UBE3D: variants seen among roughly 807,000 people sequenced by gnomAD.
The protein encoded by UBE3D is E3 ubiquitin-protein ligase E3D.
Under a neutral mutation model 49.6 loss-of-function variants are expected in UBE3D, and 48 were observed. The observed-to-expected ratio is 0.97, with a 90% confidence interval of 0.77 to 1.23. The LOEUF is 1.23. Ranked by LOEUF, UBE3D falls within the 50% of genes most tolerant of loss-of-function variation. UBE3D has a pLI of 0.00. For synonymous variants in UBE3D, 189 were observed against 174.2 expected (o/e 1.08, Z -0.67); for missense variants, 452 against 468.4 (o/e 0.96, Z 0.32).
intron 9 of UBE3D, among the ~76,000 whole-genome samples, chr6:82,937,827 C>G (rs1467533311): frequency 1.3e-5 from 2 of 152,126 alleles, no homozygotes; most frequent in Non-Finnish European, 2.9e-5. Context: ...AGGGTTCTTC[C>G]TTTACTAGCC....
chr6:82,967,576 C>A (rs1434624541), intron 8 of UBE3D, among the ~76,000 whole-genome samples: 1 of 152,070 alleles, frequency 6.6e-6, no homozygotes, highest in Non-Finnish European at 1.5e-5. Context: ...AATATGTAGT[C>A]TTTTTTTATA....
intron 2 of UBE3D, 101 bp from the exon 3 acceptor site, chr6:83,054,339 G>T: frequency 1.2e-6 from 1 of 841,222 alleles, no homozygotes; most frequent in Non-Finnish European, 2.0e-6. Context: ...TCCATAAACA[G>T]TTTATGATCC....
chr6:82,917,296 A>C (rs1772989076), intron 9 of UBE3D, among the ~76,000 whole-genome samples: 1 of 152,190 alleles, frequency 6.6e-6, no homozygotes, highest in Non-Finnish European at 1.5e-5. Context: ...AGACATGAAC[A>C]GGAGGGGGAA....
chr6:82,942,892 G>C (rs926826534), intron 9 of UBE3D, among the ~76,000 whole-genome samples: 7 of 152,216 alleles, frequency 4.6e-5, no homozygotes, highest in African/African-American at 1.7e-4. Context: ...GGAGCTGTGA[G>C]AAGAGGGCCA....
chr6:83,013,351 C>T (rs967591591), intron 8 of UBE3D, among the ~76,000 whole-genome samples: 9 of 152,150 alleles, frequency 5.9e-5, no homozygotes, highest in African/African-American at 1.9e-4. Flanking sequence ...CTGATGCCTC[C>T]GCTAACAGCA....
intron 9 of UBE3D, chr6:82,924,925 C>G (rs1207409410): frequency 6.6e-6 from 1 of 152,166 alleles, no homozygotes; most frequent in Admixed American, 6.6e-5. Flanking sequence ...TTCATCATAT[C>G]TGCTGGGCCT....
intron 9 of UBE3D, among the ~76,000 whole-genome samples, chr6:82,941,595 G>A (rs115286454): frequency 5.3e-4 from 81 of 152,226 alleles, no homozygotes; most frequent in African/African-American, 1.8e-3. Context: ...CAGTAATACA[G>A]TTTGGCTCTG....
chr6:82,970,042 CTCATAG>C (rs1211148598), intron 8 of UBE3D, among the ~76,000 whole-genome samples: 2 of 148,856 alleles, frequency 1.3e-5, no homozygotes, highest in Non-Finnish European at 3.0e-5. Context: ...ATGGTGTTTA[CTCATAG>C]TCATATAATA....
rs1026887304 is a variant in UBE3D, at chr6:83,065,664, G to A, written c.55C>T (p.Gln19Ter). ...RVFLEVRGQLQSALLILGEPK... is the reference protein window; with the variant it reads ...RVFLEVRGQL ...TACCCCAGGATCAGAAGCGCGCTCT[G>A]CAGCTGTCCCCGCACCTCCAGAAAC... Residue 19 changes from glutamine (Q) to a stop codon, truncating the protein, a stop_gained, in exon 1 of 10, where the codon CAG (glutamine) becomes TAG (stop). Coordinates refer to ENST00000369747, the MANE Select transcript of UBE3D (RefSeq NM_198920.3). LOFTEE classifies it high-confidence loss of function. The A allele has an allele frequency of 6.2e-7, 1 of 1,613,890 alleles. No homozygotes were observed. The highest frequency in any genetic ancestry group is 8.5e-7 in the Non-Finnish European group (1 of 1,179,880).
intron 9 of UBE3D, among the ~76,000 whole-genome samples, chr6:82,899,275 C>T (rs1771558385): frequency 6.6e-6 from 1 of 152,138 alleles, no homozygotes; most frequent in African/African-American, 2.4e-5. Context: ...GATCCTGTCC[C>T]TCCAAATTGG....
rs1773417156 is a variant in UBE3D, at chr6:82,922,445, G to A, written c.1150-29403C>T. Among the ~76,000 whole-genome samples, 3 of 152,046 alleles carry A rather than the reference G, an allele frequency of 2.0e-5. No homozygotes were observed. The South Asian group carries it at 6.2e-4, about 32-fold the overall frequency. Reference sequence around the variant, plus strand: ...AAAAACCCACAGACAGTGTAAAAGAGGAAACTCAGAAACCTGACACATACA... The same window carrying A: ...AAAAACCCACAGACAGTGTAAAAGAAGAAACTCAGAAACCTGACACATACA... On this transcript the variant is annotated intron_variant, in intron 9 of 9. Transcript: ENST00000369747.
intron 8 of UBE3D, among the ~76,000 whole-genome samples, chr6:82,973,166 C>A (rs1312663086): frequency 1.3e-5 from 2 of 152,034 alleles, no homozygotes; most frequent in Non-Finnish European, 2.9e-5. Context: ...AATCAATTTC[C>A]CAAGTTATTT....
chr6:82,963,986 A>G (rs73749486), intron 8 of UBE3D, among the ~76,000 whole-genome samples: 1,932 of 152,324 alleles, frequency 0.013, 35 homozygotes, highest in African/African-American at 0.043. Flanking sequence ...GGAACAATGA[A>G]CTAAACGTCA....
At chr6:82,933,544 C>A (rs1470233728) in intron 9 of UBE3D, among the ~76,000 whole-genome samples, 1 of 152,110 alleles carries the variant, frequency 6.6e-6, no homozygotes, top group East Asian at 1.9e-4. Flanking sequence ...AGCATGCCAC[C>A]CACCCATCCT....
intron 5 of UBE3D, chr6:83,036,020 C>CTTTTTTTT (rs11448547): frequency 3.7e-5 from 4 of 108,792 alleles, no homozygotes; most frequent in Non-Finnish European, 5.2e-5. Context: ...TTTTGTACTT[C>CTTTTTTTT]TTTTTTTTTT....
At chr6:82,970,017 A>C (rs1489095337) in intron 8 of UBE3D, among the ~76,000 whole-genome samples, 2 of 150,266 alleles carry the variant, frequency 1.3e-5, no homozygotes, top group African/African-American at 4.9e-5. Context: ...CCCTAATGAA[A>C]TGTAACGTAT....
intron 8 of UBE3D, among the ~76,000 whole-genome samples, chr6:83,010,709 G>A (rs1182564862): frequency 2.0e-5 from 3 of 152,188 alleles, no homozygotes; most frequent in Non-Finnish European, 4.4e-5. Flanking sequence ...GGAGTCCAAT[G>A]TTCAAGGGCA....
Position 83,018,984 on chromosome 6 carries a change from G to A in UBE3D, c.999C>T (p.Ser333=). 1.9e-6 allele frequency: 3 copies of A among 1,612,492 alleles called. No individual in the cohort carries two copies. The highest frequency in any genetic ancestry group is 1.7e-6 in the Non-Finnish European group (2 of 1,179,498). ...AATGCACAACTTACTTTTCATTCCT[G>A]CTTTTGATGCATGGCTGGTAGAGGA... The part of the protein sequence containing the change: ...VKVLYQPCIK[S]RNEKLVSLWE... Residue 333 remains serine (S), a synonymous_variant, in exon 8 of 10, where the codon AGC becomes AGT. Transcript: ENST00000369747.
intron 8 of UBE3D, among the ~76,000 whole-genome samples, chr6:83,008,398 T>A (rs1189756659): frequency 1.3e-5 from 2 of 152,038 alleles, no homozygotes; most frequent in African/African-American, 4.8e-5. Context: ...AACTAAAAAA[T>A]GTGATATATG....
Sources: allele counts gnomAD v4.1 joint callset (sites outside exome capture counted in the v4.1 genomes callset), GRCh38; gene constraint gnomAD v4.1.1; transcripts MANE v1.5; gene names NCBI Gene and HGNC (gene_info 2026-07-23, HGNC 2026-07-21).